Variants in PHACTR1 observed in about 807,000 individuals in gnomAD.
PHACTR1 encodes phosphatase and actin regulator 1.
Under a neutral mutation model 69.2 loss-of-function variants are expected in PHACTR1, and 16 were observed. That is an observed-to-expected ratio of 0.23 (90% CI 0.16 to 0.35). The LOEUF (loss-of-function observed/expected upper bound fraction) is 0.35. Ranked by LOEUF, PHACTR1 falls within the 10% of genes least tolerant of loss-of-function variation. The pLI is 1.00. For missense variants in PHACTR1, 510 were observed against 734.7 expected (o/e 0.69, Z 3.54); for synonymous variants, 312 against 284.5 (o/e 1.10, Z -0.97).
intron 7 of PHACTR1, among the ~76,000 whole-genome samples, chr6:13,184,110 G>A (rs1003426224): frequency 2.0e-5 from 3 of 152,216 alleles, no homozygotes; most frequent in African/African-American, 7.2e-5. Flanking sequence ...AGCTGGTGGG[G>A]GCAGGATGCT....
intron 10 of PHACTR1, chr6:13,266,532 T>C (rs907401477): frequency 2.6e-5 from 4 of 152,400 alleles, no homozygotes; most frequent in African/African-American, 9.6e-5. Context: ...TACCTGAGAC[T>C]GGGTAGTTTA....
chr6:12,853,948 G>A (rs1439114918), intron 4 of PHACTR1, among the ~76,000 whole-genome samples: 1 of 152,164 alleles, frequency 6.6e-6, no homozygotes, highest in African/African-American at 2.4e-5. Context: ...ATGTCAATAG[G>A]TAGATGTTTA....
At chr6:12,770,461 T>G (rs1170776761) in intron 4 of PHACTR1, among the ~76,000 whole-genome samples, 1 of 152,140 alleles carries the variant, frequency 6.6e-6, no homozygotes, top group African/African-American at 2.4e-5. Flanking sequence ...AGGAAGGCAC[T>G]GAGGTTGGTC....
intron 11 of PHACTR1, 83 bp from the exon 12 acceptor site, chr6:13,278,183 CCT>C (rs1779342693): frequency 2.1e-5 from 28 of 1,316,118 alleles, no homozygotes; most frequent in African/African-American, 4.4e-5. Flanking sequence ...AGATGCTTGG[CCT>C]AGAGCCTGCC....
intron 4 of PHACTR1, among the ~76,000 whole-genome samples, chr6:12,936,883 C>T (rs1379795399): frequency 3.9e-5 from 6 of 152,288 alleles, no homozygotes; most frequent in Middle Eastern, 3.4e-3. Flanking sequence ...CCTGGGATGA[C>T]TTTTTGCCCT....
At position 13,205,867 on chromosome 6, in the gene PHACTR1, G is replaced by A. The variant is rs373195107; in HGVS notation, c.717G>A (p.Pro239=). ...LPCLPVKLSP[P]LPPKKVMICM... Reference sequence around the variant, plus strand: ...GTCTGCCAGTGAAACTGTCGCCTCCGCTACCTCCAAAGAAAGTCATGATCT... The same window carrying A: ...GTCTGCCAGTGAAACTGTCGCCTCCACTACCTCCAAAGAAAGTCATGATCT... Residue 239 remains proline, a synonymous_variant, in exon 8 of 15, where the codon CCG becomes CCA. Transcript: ENST00000332995. 2.3e-4 allele frequency: 364 copies of A among 1,600,352 alleles called. No homozygotes were observed. Among genetic ancestry groups the A allele is most frequent in the Non-Finnish European group, 2.8e-4 (328 of 1,168,806 alleles).
chr6:12,824,144 T>C lies in PHACTR1; in HGVS notation c.250+74354T>C, dbSNP rs150422296. ...GATCAGTGGTGGCATTAGATTTTCA[T>C]AGAAGCGAGAATCCTATCGTGGAAG... On this transcript the variant is annotated intron_variant, in intron 4 of 14. Coordinates refer to ENST00000332995, the MANE Select transcript of PHACTR1 (RefSeq NM_030948.6). Among the ~76,000 whole-genome samples, 203 of 152,248 alleles carry C rather than the reference T, an allele frequency of 1.3e-3. 1 individual carries two copies. The highest frequency in any genetic ancestry group is 3.6e-3 in the African/African-American group (151 of 41,560).
At chr6:12,722,639 ATTC>A (rs1015098399) in intron 3 of PHACTR1, among the ~76,000 whole-genome samples, 2 of 152,226 alleles carry the variant, frequency 1.3e-5, no homozygotes, top group African/African-American at 2.4e-5. Flanking sequence ...TGCCTGATCT[ATTC>A]TTCTGAATAA....
At chr6:12,978,147 CAGTGCCCTTGG>C (rs1795108300) in intron 4 of PHACTR1, among the ~76,000 whole-genome samples, 1 of 152,172 alleles carries the variant, frequency 6.6e-6, no homozygotes, top group African/African-American at 2.4e-5. Flanking sequence ...TGGTTTGCAG[CAGTGCCCTTGG>C]CTAGGCCCCT....
chr6:12,900,004 C>T (rs572620786), intron 4 of PHACTR1, among the ~76,000 whole-genome samples: 1 of 152,130 alleles, frequency 6.6e-6, no homozygotes, highest in Non-Finnish European at 1.5e-5. Flanking sequence ...AGCTAGGGGA[C>T]CTCCTCTGTC....
chr6:13,056,215 C>T (rs1806760585), intron 5 of PHACTR1, among the ~76,000 whole-genome samples: 2 of 152,146 alleles, frequency 1.3e-5, no homozygotes. Flanking sequence ...AAAAACCAGC[C>T]TGGGCAACAT....
chr6:13,042,703 C>T (rs745532183), intron 4 of PHACTR1, among the ~76,000 whole-genome samples: 1 of 152,178 alleles, frequency 6.6e-6, no homozygotes, highest in Non-Finnish European at 1.5e-5. Context: ...CGAATTTCAC[C>T]CCTAGTGGAA....
intron 10 of PHACTR1, among the ~76,000 whole-genome samples, chr6:13,234,865 C>A (rs1317491618): frequency 6.6e-6 from 1 of 152,186 alleles, no homozygotes; most frequent in East Asian, 1.9e-4. Flanking sequence ...TGTATACAGA[C>A]TTTGAACTTC....
chr6:12,948,912 A>G (rs1271707646), intron 4 of PHACTR1, among the ~76,000 whole-genome samples: 2 of 152,186 alleles, frequency 1.3e-5, no homozygotes, highest in African/African-American at 4.8e-5. Context: ...CTTCAAAATA[A>G]ATTTTTATAA....
chr6:12,999,689 G>A (rs919569015), intron 4 of PHACTR1, among the ~76,000 whole-genome samples: 1 of 152,174 alleles, frequency 6.6e-6, no homozygotes, highest in Non-Finnish European at 1.5e-5. Flanking sequence ...GACATTGGAA[G>A]CCTATAAAGC....
chr6:12,781,185 G>A (rs1581718000), intron 4 of PHACTR1, among the ~76,000 whole-genome samples: 3 of 152,258 alleles, frequency 2.0e-5, no homozygotes, highest in African/African-American at 2.4e-5. Context: ...ACTGTGTTCT[G>A]TGCACAGACC....
chr6:12,825,649 C>A (rs1197689394), intron 4 of PHACTR1, among the ~76,000 whole-genome samples: 10 of 152,142 alleles, frequency 6.6e-5, no homozygotes, highest in African/African-American at 1.4e-4. Context: ...AGGCCTGTTT[C>A]CTGCCTTTTT....
chr6:12,828,845 G>T (rs917344884), intron 4 of PHACTR1, among the ~76,000 whole-genome samples: 5 of 152,040 alleles, frequency 3.3e-5, no homozygotes, highest in African/African-American at 9.7e-5. Flanking sequence ...CGGAGAGATT[G>T]GTTAATGAAT....
intron 6 of PHACTR1, among the ~76,000 whole-genome samples, chr6:13,182,162 G>A (rs540032099): frequency 1.3e-5 from 2 of 152,296 alleles, no homozygotes; most frequent in African/African-American, 4.8e-5. Context: ...GAACCCGGGA[G>A]GCGGATGTTG....
Sources: gnomAD v4.1 joint callset for allele counts (sites outside exome capture counted in the v4.1 genomes callset) on GRCh38, gnomAD v4.1.1 for gene constraint, MANE v1.5 for transcripts, NCBI Gene and HGNC (gene_info 2026-07-23, HGNC 2026-07-21) for gene names.